BEAN1: variants seen among roughly 807,000 people sequenced by gnomAD.
BEAN1 encodes the protein brain expressed associated with NEDD4 1.
A neutral mutation model predicts 17.7 loss-of-function variants in BEAN1; 17 were observed. The observed-to-expected ratio is 0.96, with a 90% CI of 0.66 to 1.44. The LOEUF (loss-of-function observed/expected upper bound fraction) is 1.44. Ranked by LOEUF, BEAN1 falls within the 40% of genes most tolerant of loss-of-function variation. The probability of loss-of-function intolerance (pLI) is 0.00; values close to 1 mark genes in which losing one functional copy is unlikely to be tolerated. For synonymous variants in BEAN1, 142 were observed against 151.8 expected (o/e 0.94, Z 0.47); for missense variants, 359 against 374.1 (o/e 0.96, Z 0.33).
At chr16:66,493,408 C>T in exon 5 of BEAN1, 1 of 621,474 alleles carries the variant, frequency 1.6e-6, no homozygotes, top group African/African-American at 1.8e-5. Flanking sequence ...CAACAGCCCC[C>T]AACAGCCTCC....
At position 66,448,363 on chromosome 16, in the gene BEAN1, G is replaced by T. The variant is rs750129480; in HGVS notation, c.25+10662G>T. 3.3e-5 allele frequency among the ~76,000 whole-genome samples: 5 copies of T among 152,292 alleles called. No homozygotes were observed. The East Asian group carries it at 9.6e-4, about 29-fold the overall frequency. On this transcript the variant is annotated intron_variant, in intron 2 of 4. Coordinates refer to ENST00000536005, the MANE Select transcript of BEAN1 (RefSeq NM_001178020.3). ...TGAGAGTGTTTACACTGTGGAAAATGACAAACGGTACAAATCAGGGATTCT... is the reference window on the plus strand; with the variant it reads ...TGAGAGTGTTTACACTGTGGAAAATTACAAACGGTACAAATCAGGGATTCT...
rs1017949346 is a variant in BEAN1 at position 66,480,783 on chromosome 16, T to A, written c.638T>A (p.Leu213His). The change falls in exon 5 of 5, where the codon CTT becomes CAT. Residue 213 changes from leucine to histidine, a missense_variant. By Grantham distance (99) the Leu-to-His change is moderately conservative. Coordinates refer to ENST00000536005, the MANE Select transcript of BEAN1 (RefSeq NM_001178020.3). ...GGLHTVSMDTLPPYEAVCGAG... is the reference protein window; with the variant it reads ...GGLHTVSMDTHPPYEAVCGAG... ...CTTCACACGGTCTCCATGGACACCC[T>A]TCCCCCCTACGAGGCTGTGTGCGGG... 1.3e-6 allele frequency: 2 copies of A among 1,550,472 alleles called. No individual in the cohort carries two copies. Among genetic ancestry groups the A allele is most frequent in the African/African-American group, 1.4e-5 (1 of 73,062 alleles).
chr16:66,437,642 G>T lies in BEAN1; in HGVS notation c.-35G>T. The stretch of plus-strand genomic sequence containing the variant: ...CGAGAAGTCAGAGCTGTGCCCGTGG[G>T]CAGGCTGGCTCCGCTGTTCTGCTCC... On this transcript the variant is annotated 5_prime_UTR_variant, in exon 2 of 5. Transcript: ENST00000536005. 1 of 1,534,782 alleles carries T rather than the reference G, an allele frequency of 6.5e-7. No individual in the cohort carries two copies. Among genetic ancestry groups the T allele is most frequent in the Non-Finnish European group, 8.7e-7 (1 of 1,145,920 alleles).
intron 2 of BEAN1, among the ~76,000 whole-genome samples, chr16:66,453,796 C>T (rs1188249312): frequency 2.0e-5 from 3 of 151,996 alleles, no homozygotes; most frequent in African/African-American, 7.3e-5. Context: ...TGCAGTGGCA[C>T]AATCTCAGCT....
chr16:66,480,450 T>C lies in BEAN1; in HGVS notation c.441-136T>C, dbSNP rs8060144. 260 of 664,800 alleles carry C rather than the reference T, an allele frequency of 3.9e-4. 1 individual carries two copies. Among genetic ancestry groups the C allele is most frequent in the African/African-American group, 2.8e-3 (155 of 54,464 alleles). The allele number at this position is 664,800 out of a possible 1,614,324, so 41.2% of individuals were successfully genotyped here. On this transcript the variant is annotated intron_variant, in intron 4 of 4. Transcript: ENST00000536005. ...GATGGAGGGAAGTAGCAGGGTTTCA[T>C]TGGAGCCAGCGTGGACAAGGCCCAC...
chr16:66,437,504 G>A (rs1962073182), intron 1 of BEAN1, 91 bp from the exon 2 acceptor site: 2 of 734,652 alleles, frequency 2.7e-6, no homozygotes, highest in Non-Finnish European at 4.4e-6. Flanking sequence ...TCCCGCAGAG[G>A]TTGACAGCTC....
In BEAN1 at chr16:66,434,317, G is replaced by A. The variant is rs1961928508; in HGVS notation, c.-82-3278G>A. 6.6e-6 allele frequency among the ~76,000 whole-genome samples: 1 copy of A among 151,784 alleles called. No individual in the cohort carries two copies. Among genetic ancestry groups the A allele is most frequent in the African/African-American group, 2.4e-5 (1 of 41,310 alleles). ...TCTCAGCAACTTCAGTCACATGCGTGCGGGACACCAGGATGGGCACTTGCT... is the reference window on the plus strand; with the variant it reads ...TCTCAGCAACTTCAGTCACATGCGTACGGGACACCAGGATGGGCACTTGCT... On this transcript the variant is annotated intron_variant, in intron 1 of 4. Transcript: ENST00000536005. This position sits in a 1 kb window ranked among gnomAD's most constrained non-coding sequence, Gnocchi z 4.3.
At chr16:66,444,527 A>C (rs1567487313) in intron 2 of BEAN1, among the ~76,000 whole-genome samples, 1 of 152,004 alleles carries the variant, frequency 6.6e-6, no homozygotes, top group Non-Finnish European at 1.5e-5. Context: ...CAAAGACCTA[A>C]CCCATCTGTG....
rs757310965 is a variant in BEAN1, at chr16:66,477,522, C to A, written c.290-38C>A. On this transcript the variant is annotated intron_variant, in intron 3 of 4. Coordinates refer to ENST00000536005, the MANE Select transcript of BEAN1 (RefSeq NM_001178020.3). ...GACCCATAAGGACCATCCCTGGATC[C>A]TGGTCTGAGGCCCAGGCCGGTGGTC... is the stretch of plus-strand genomic sequence containing the variant. 1.8e-4 allele frequency: 272 copies of A among 1,493,878 alleles called. 4 individuals carry two copies. The South Asian group carries it at 2.3e-3, about 12-fold the overall frequency. The allele number at this position is 1,493,878 out of a possible 1,614,324, so 92.5% of individuals were successfully genotyped here. A position where few individuals can be genotyped will look rare whatever the true frequency, so the allele number is the denominator to read the frequency against.
chr16:66,440,815 AC>A (rs1171014274), intron 2 of BEAN1, among the ~76,000 whole-genome samples: 1 of 152,122 alleles, frequency 6.6e-6, no homozygotes, highest in African/African-American at 2.4e-5. Context: ...CCTGACCCAA[AC>A]TGAATTCTTT....
At chr16:66,486,443 C>CG (rs1389880871), downstream of BEAN1, among the ~76,000 whole-genome samples, 2 of 152,230 alleles carry the variant, frequency 1.3e-5, no homozygotes, top group Admixed American at 1.3e-4. Context: ...TTAGTAGAGA[C>CG]GGGGTCTCAC....
chr16:66,452,369 C>A (rs189328807), intron 2 of BEAN1, among the ~76,000 whole-genome samples: 1 of 152,338 alleles, frequency 6.6e-6, no homozygotes, highest in Admixed American at 6.5e-5. Context: ...ATGAAGGAAT[C>A]TCTGAGGATC....
chr16:66,487,036 G>C (rs1964099580), downstream of BEAN1, among the ~76,000 whole-genome samples: 1 of 152,208 alleles, frequency 6.6e-6, no homozygotes, highest in Non-Finnish European at 1.5e-5. Context: ...GCTTGGACCA[G>C]AGAGGCCCAG....
intron 2 of BEAN1, among the ~76,000 whole-genome samples, chr16:66,458,382 G>A (rs1388545673): frequency 2.0e-5 from 3 of 152,072 alleles, no homozygotes; most frequent in Admixed American, 6.5e-5. Flanking sequence ...TAAGCCACCT[G>A]ATACAGGCCT....
At chr16:66,428,624 C>G (rs1961673095) in intron 1 of BEAN1, 1 of 152,252 alleles carries the variant, frequency 6.6e-6, no homozygotes. Flanking sequence ...GTTTCCCCAT[C>G]TGGAACATGG....
chr16:66,431,538 T>C (rs1226333100), intron 1 of BEAN1, among the ~76,000 whole-genome samples: 2 of 152,112 alleles, frequency 1.3e-5, no homozygotes, highest in East Asian at 1.9e-4. Flanking sequence ...TGTGAACACA[T>C]TCGTGTTCTT....
At chr16:66,446,450 T>G (rs1962460203) in intron 2 of BEAN1, among the ~76,000 whole-genome samples, 1 of 152,120 alleles carries the variant, frequency 6.6e-6, no homozygotes, top group African/African-American at 2.4e-5. Flanking sequence ...TGAGTCAAGA[T>G]GCAGAGTTTT....
intron 2 of BEAN1, among the ~76,000 whole-genome samples, chr16:66,460,543 C>T (rs1160509435): frequency 1.3e-5 from 2 of 152,216 alleles, no homozygotes; most frequent in African/African-American, 4.8e-5. Context: ...CACCTGCCTG[C>T]TGTGGCCCAT....
intron 4 of BEAN1, among the ~76,000 whole-genome samples, chr16:66,492,088 C>G (rs1186103072): frequency 2.0e-5 from 3 of 152,136 alleles, no homozygotes; most frequent in African/African-American, 7.2e-5. Flanking sequence ...GTCACCCAGG[C>G]TGGAGTACAG....
Sources: allele counts gnomAD v4.1 joint callset (sites outside exome capture counted in the v4.1 genomes callset), GRCh38; gene constraint gnomAD v4.1.1; non-coding constraint Gnocchi (gnomAD v3.1); transcripts MANE v1.5; gene names NCBI Gene and HGNC (gene_info 2026-07-23, HGNC 2026-07-21).